The following GRIA4 variants were observed in gnomAD, a reference collection of about 807,000 sequenced individuals.
GRIA4 encodes the protein glutamate receptor 4.
A neutral mutation model predicts 104.0 loss-of-function variants in GRIA4; 34 were observed. That is an observed-to-expected ratio of 0.33 (90% CI 0.25 to 0.44). GRIA4 has a LOEUF of 0.44. Ranked by LOEUF, GRIA4 falls within the 20% of genes least tolerant of loss-of-function variation. GRIA4 has a pLI of 1.00. For missense variants in GRIA4, 750 were observed against 1,096.5 expected, an observed-to-expected ratio of 0.68 and a Z score of 4.46; for synonymous variants, 386 against 381.9, an observed-to-expected ratio of 1.01 and a Z score of -0.13.
At chr11:105,760,332 C>T (rs1162337623) in intron 4 of GRIA4, among the ~76,000 whole-genome samples, 1 of 152,136 alleles carries the variant, frequency 6.6e-6, no homozygotes, top group Admixed American at 6.6e-5. Context: ...TGCATTCTAA[C>T]TACTGCTGCC....
intron 3 of GRIA4, among the ~76,000 whole-genome samples, chr11:105,689,585 C>T (rs983177751): frequency 1.3e-5 from 2 of 152,130 alleles, no homozygotes; most frequent in African/African-American, 4.8e-5. Flanking sequence ...GAGAACATTA[C>T]ACATTTTATT....
At chr11:105,870,571 A>C (rs1945578093) in intron 5 of GRIA4, among the ~76,000 whole-genome samples, 1 of 151,834 alleles carries the variant, frequency 6.6e-6, no homozygotes, top group Non-Finnish European at 1.5e-5. Context: ...ACAGAAGCAA[A>C]TTATTGAAAG....
intron 3 of GRIA4, among the ~76,000 whole-genome samples, chr11:105,664,727 A>G (rs1317006037): frequency 6.6e-6 from 1 of 152,000 alleles, no homozygotes; most frequent in Admixed American, 6.6e-5. Flanking sequence ...AAGAGAAATC[A>G]CTTTTGGACC....
At chr11:105,796,371 T>C (rs972893178) in intron 4 of GRIA4, among the ~76,000 whole-genome samples, 4 of 152,214 alleles carry the variant, frequency 2.6e-5, no homozygotes, top group Non-Finnish European at 5.9e-5. Context: ...ATATTGATTA[T>C]ATAAGTTGGC....
intron 3 of GRIA4, among the ~76,000 whole-genome samples, chr11:105,722,193 C>T (rs1937870426): frequency 6.6e-6 from 1 of 152,100 alleles, no homozygotes; most frequent in Non-Finnish European, 1.5e-5. Flanking sequence ...CAGACAGTCC[C>T]TGACTTTTTG....
At chr11:105,893,948 A>G (rs777908645) in intron 6 of GRIA4, among the ~76,000 whole-genome samples, 1 of 152,188 alleles carries the variant, frequency 6.6e-6, no homozygotes, top group Non-Finnish European at 1.5e-5. Flanking sequence ...TCTGGCGTCT[A>G]GTTTCTTTAT....
At chr11:105,784,170 C>T (rs1337076880) in intron 4 of GRIA4, among the ~76,000 whole-genome samples, 1 of 152,164 alleles carries the variant, frequency 6.6e-6, no homozygotes, top group Non-Finnish European at 1.5e-5. Flanking sequence ...ACCTGGGTCA[C>T]TACCAACACT....
At chr11:105,839,277 A>G (rs1024267848) in intron 4 of GRIA4, among the ~76,000 whole-genome samples, 2 of 152,140 alleles carry the variant, frequency 1.3e-5, no homozygotes, top group African/African-American at 4.8e-5. Context: ...ATTGAGTAGG[A>G]TACCTGCCTC....
intron 3 of GRIA4, among the ~76,000 whole-genome samples, chr11:105,641,433 T>A (rs1951355781): frequency 6.6e-6 from 1 of 152,180 alleles, no homozygotes; most frequent in Non-Finnish European, 1.5e-5. Context: ...TTTTTCTGCT[T>A]AATGACTTAG....
In GRIA4 at chr11:105,627,072, T is replaced by C. The variant is rs768976482; in HGVS notation, c.247+14638T>C. 5.2e-4 allele frequency among the ~76,000 whole-genome samples: 79 copies of C among 152,336 alleles called. 1 individual carries two copies. Among genetic ancestry groups the C allele is most frequent in the Non-Finnish European group, 8.5e-4 (58 of 68,028 alleles). ...CACTGCTGTTCATTTTACCCCAATGTTTTGTATTTCCTTTTCTTCACCTCT... is the reference window on the plus strand; with the variant it reads ...CACTGCTGTTCATTTTACCCCAATGCTTTGTATTTCCTTTTCTTCACCTCT... On this transcript the variant is annotated intron_variant, in intron 3 of 16. Transcript: ENST00000282499.
At chr11:105,676,373 G>A (rs1406922649) in intron 3 of GRIA4, among the ~76,000 whole-genome samples, 1 of 151,480 alleles carries the variant, frequency 6.6e-6, no homozygotes, top group Non-Finnish European at 1.5e-5. Context: ...AGAAAACAGA[G>A]GAACAAACCA....
rs192767255 is a variant in GRIA4 at position 105,637,765 on chromosome 11, G to T, written c.247+25331G>T. Among the ~76,000 whole-genome samples the T allele has an allele frequency of 3.0e-3, 453 of 152,046 alleles. 2 individuals are homozygous for T. Among genetic ancestry groups the T allele is most frequent in the African/African-American group, 0.011 (437 of 41,452 alleles). Reference sequence around the variant, plus strand: ...AGCAGATTTTTAATAACTCATATTCGAGGGCTATTATAGCATATTTTTACT... The same window carrying T: ...AGCAGATTTTTAATAACTCATATTCTAGGGCTATTATAGCATATTTTTACT... On this transcript the variant is annotated intron_variant, in intron 3 of 16. Coordinates refer to ENST00000282499, the MANE Select transcript of GRIA4 (RefSeq NM_000829.4).
intron 3 of GRIA4, among the ~76,000 whole-genome samples, chr11:105,673,303 G>T (rs780157172): frequency 2.8e-4 from 43 of 152,094 alleles, no homozygotes; most frequent in Non-Finnish European, 5.7e-4. Context: ...CCTCGGTGCT[G>T]AAACCATGGA....
intron 4 of GRIA4, among the ~76,000 whole-genome samples, chr11:105,827,354 G>A (rs996442562): frequency 1.3e-5 from 2 of 151,844 alleles, no homozygotes; most frequent in Admixed American, 6.6e-5. Flanking sequence ...TTTAAATTAT[G>A]TTGCTGATTC....
chr11:105,894,363 C>T (rs1026883864), intron 6 of GRIA4, among the ~76,000 whole-genome samples: 2 of 152,062 alleles, frequency 1.3e-5, no homozygotes, highest in Non-Finnish European at 2.9e-5. Flanking sequence ...TCTTCACCCC[C>T]CCGAGCCTGT....
At chr11:105,670,266 T>C (rs889403907) in intron 3 of GRIA4, among the ~76,000 whole-genome samples, 8 of 152,126 alleles carry the variant, frequency 5.3e-5, no homozygotes, top group Non-Finnish European at 1.2e-4. Flanking sequence ...TGTTGGTTTA[T>C]TTTAAGGTAG....
chr11:105,615,908 A>G (rs1440070277), intron 3 of GRIA4, among the ~76,000 whole-genome samples: 2 of 151,802 alleles, frequency 1.3e-5, no homozygotes, highest in Non-Finnish European at 3.0e-5. Flanking sequence ...AGATAAATAT[A>G]TTTTAGTCAT....
intron 6 of GRIA4, among the ~76,000 whole-genome samples, chr11:105,895,558 T>C (rs1323122968): frequency 6.7e-6 from 1 of 149,874 alleles, no homozygotes; most frequent in Non-Finnish European, 1.5e-5. Flanking sequence ...TATAGATACA[T>C]ACATACATGG....
At chr11:105,621,011 C>T (rs1294676045) in intron 3 of GRIA4, among the ~76,000 whole-genome samples, 1 of 151,542 alleles carries the variant, frequency 6.6e-6, no homozygotes, top group Non-Finnish European at 1.5e-5. Context: ...TCATCAGGTG[C>T]CTCCGACTTA....
Sources: allele counts gnomAD v4.1 joint callset (sites outside exome capture counted in the v4.1 genomes callset), GRCh38; gene constraint gnomAD v4.1.1; transcripts MANE v1.5; gene names NCBI Gene and HGNC (gene_info 2026-07-23, HGNC 2026-07-21).